The following AQR variants were observed in gnomAD, a reference collection of about 807,000 sequenced individuals.
AQR encodes RNA helicase aquarius.
A neutral mutation model predicts 180.5 loss-of-function variants in AQR; 61 were observed. The observed-to-expected ratio is 0.34, with a 90% CI of 0.28 to 0.42. AQR has a LOEUF of 0.42. AQR is among the 10% of genes least tolerant of loss of function. The pLI is 1.00. For missense variants in AQR, 1,281 were observed against 1,798.3 expected (o/e 0.71, Z 5.20); for synonymous variants, 551 against 588.8 (o/e 0.94, Z 0.93).
At chr15:34,945,264 T>C (rs1412189192) in intron 5 of AQR, among the ~76,000 whole-genome samples, 1 of 152,200 alleles carries the variant, frequency 6.6e-6, no homozygotes, top group Non-Finnish European at 1.5e-5. Context: ...AAACTGAATA[T>C]GTCCAAATTC....
intron 9 of AQR, among the ~76,000 whole-genome samples, chr15:34,936,016 A>G (rs1233706828): frequency 6.6e-6 from 1 of 152,172 alleles, no homozygotes; most frequent in African/African-American, 2.4e-5. Context: ...AAAACAATGC[A>G]TGGTGCTCTG....
intron 25 of AQR, 116 bp downstream of exon 25, chr15:34,886,410 C>T (rs981321897): frequency 5.0e-6 from 5 of 1,007,828 alleles, no homozygotes; most frequent in Non-Finnish European, 7.0e-6. Flanking sequence ...CAATACCATA[C>T]ATTCTAATCT....
intron 4 of AQR, among the ~76,000 whole-genome samples, chr15:34,952,395 TCAA>T (rs1894247820): frequency 6.6e-6 from 1 of 152,222 alleles, no homozygotes; most frequent in African/African-American, 2.4e-5. Context: ...GTAACTATCA[TCAA>T]CAACAATCCT....
At position 34,902,683 on chromosome 15, in the gene AQR, T is replaced by C. The variant is rs139366092; in HGVS notation, c.2001+1653A>G. On this transcript the variant is annotated intron_variant, in intron 19 of 34. Coordinates refer to ENST00000156471, the MANE Select transcript of AQR (RefSeq NM_014691.3). Reference sequence around the variant, plus strand: ...CACTAAATAGTCAAACAAATGAATATAAGAAAACAATGTTTTAGTTTTCAG... The same window carrying C: ...CACTAAATAGTCAAACAAATGAATACAAGAAAACAATGTTTTAGTTTTCAG... Among the ~76,000 whole-genome samples the C allele has an allele frequency of 5.9e-5, 9 of 152,242 alleles. No homozygotes were observed. In the East Asian group the frequency reaches 1.7e-3, roughly 29 times the overall value.
intron 31 of AQR, chr15:34,869,353 G>C (rs966907853): frequency 7.2e-5 from 11 of 152,024 alleles, no homozygotes; most frequent in African/African-American, 2.7e-4. Flanking sequence ...TTTTGTATTG[G>C]TCTGCCTTAT....
rs1323174767 is a variant in AQR, at chr15:34,856,248, T to A, written c.*544A>T. On this transcript the variant is annotated 3_prime_UTR_variant, in exon 35 of 35. Transcript: ENST00000156471. ...GACATCTTAGGTGATTCTAAGGCAT[T>A]CTAAGATTTGAGAGAAGGAAATGCA... 1.1e-5 allele frequency: 3 copies of A among 271,964 alleles called. No homozygotes were observed. Among genetic ancestry groups the A allele is most frequent in the Admixed American group, 5.3e-5 (1 of 18,992 alleles). 16.8% of individuals were successfully genotyped at this position (271,964 alleles called of 1,614,324 possible).
At chr15:34,965,650 G>A (rs950484737) in intron 1 of AQR, among the ~76,000 whole-genome samples, 6 of 152,088 alleles carry the variant, frequency 3.9e-5, no homozygotes, top group Non-Finnish European at 7.3e-5. Context: ...CAGCCTGGGC[G>A]ACAGAGCAAG....
rs972721196 is a variant in AQR, at chr15:34,852,558, CCTAT to C, written c.*4230_*4233del. 2 of 137,518 alleles carry C rather than the reference CCTAT, an allele frequency of 1.5e-5. No individual in the cohort carries two copies. The highest frequency in any genetic ancestry group is 4.9e-5 in the African/African-American group (2 of 40,676). The allele number at this position is 137,518 out of a possible 1,614,324, so 8.5% of individuals were successfully genotyped here. A position where few individuals can be genotyped will look rare whatever the true frequency, so the allele number is the denominator to read the frequency against. On this transcript the variant is annotated 3_prime_UTR_variant, in exon 35 of 35. Coordinates refer to ENST00000156471, the MANE Select transcript of AQR (RefSeq NM_014691.3). ...AAACTGTGTTCTAAGGAAATAGCTA[CCTAT>C]CTTATTAAAAAAAAACAAAAACAAA...
At chr15:34,896,585 C>T (rs769057330) in intron 22 of AQR, among the ~76,000 whole-genome samples, 50 of 151,120 alleles carry the variant, frequency 3.3e-4, no homozygotes, top group Non-Finnish European at 6.0e-4. Context: ...CGGTGGCTCA[C>T]GCCTGTAATC....
rs3062307 is a variant in AQR at position 34,943,444 on chromosome 15, AAAATAAAT to A, written c.471+836_471+843del. The A allele has an allele frequency of 9.4e-3, 4,814 of 511,206 alleles. 148 individuals are homozygous for A. Among genetic ancestry groups the A allele is most frequent in the African/African-American group, 0.071 (3,385 of 47,772 alleles). The allele number at this position is 511,206 out of a possible 1,614,324, so 31.7% of individuals were successfully genotyped here. On this transcript the variant is annotated intron_variant, in intron 6 of 34. Transcript: ENST00000156471. ...ACAATAAAATCTTGAGTTTATGTTC[AAAATAAAT>A]AAATAAATAAATAAATAAATAAATA...
intron 34 of AQR, among the ~76,000 whole-genome samples, chr15:34,858,852 G>A (rs921377096): frequency 6.6e-6 from 1 of 152,122 alleles, no homozygotes; most frequent in Non-Finnish European, 1.5e-5. Flanking sequence ...CGCCTATTAG[G>A]GAAGTGGTGC....
chr15:34,891,062 T>A (rs1225117513), intron 23 of AQR, among the ~76,000 whole-genome samples: 1 of 152,168 alleles, frequency 6.6e-6, no homozygotes, highest in Non-Finnish European at 1.5e-5. Context: ...CAACCCTGCC[T>A]GTGAAGTCAG....
At chr15:34,866,062 A>T (rs991224154) in intron 32 of AQR, among the ~76,000 whole-genome samples, 4 of 152,188 alleles carry the variant, frequency 2.6e-5, no homozygotes, top group African/African-American at 9.6e-5. Context: ...TTACAACTCA[A>T]TAATGTTATC....
rs556105374 is a variant in AQR at position 34,893,017 on chromosome 15, G to C, written c.2571+646C>G. ...TGGTATTTTGTGGTACCTATGATCA[G>C]ATTTTCATACAAGGATAAATCATCT... is the stretch of plus-strand genomic sequence containing the variant. On this transcript the variant is annotated intron_variant, in intron 23 of 34. Transcript: ENST00000156471. Among the ~76,000 whole-genome samples the C allele has an allele frequency of 5.3e-5, 8 of 152,296 alleles. No homozygotes were observed. The South Asian group carries it at 1.7e-3, about 32-fold the overall frequency.
At chr15:34,964,001 A>G (rs935043686) in intron 2 of AQR, among the ~76,000 whole-genome samples, 3 of 152,198 alleles carry the variant, frequency 2.0e-5, no homozygotes, top group African/African-American at 7.2e-5. Context: ...AAATACAACA[A>G]AATGGTAAGA....
chr15:34,923,427 A>G (rs1385844661), intron 13 of AQR, among the ~76,000 whole-genome samples: 2 of 152,110 alleles, frequency 1.3e-5, no homozygotes, highest in Admixed American at 6.6e-5. Context: ...TCTTTCAAAG[A>G]GCAGAAGTCT....
Position 34,884,819 on chromosome 15 carries a change from T to A in AQR, c.2818-85A>T, listed in dbSNP as rs1893033536. The A allele has an allele frequency of 1.2e-5, 12 of 1,036,892 alleles. No individual in the cohort carries two copies. In the South Asian group the frequency reaches 1.7e-4, roughly 15 times the overall value. The allele number at this position is 1,036,892 out of a possible 1,614,324, so 64.2% of individuals were successfully genotyped here. A position where few individuals can be genotyped will look rare whatever the true frequency, so the allele number is the denominator to read the frequency against. Reference sequence around the variant, plus strand: ...ATGAATAAATCTTATAAAAACAAGATCTGCTAGGTGAAAAAGAAAAAAAAA... The same window carrying A: ...ATGAATAAATCTTATAAAAACAAGAACTGCTAGGTGAAAAAGAAAAAAAAA... On this transcript the variant is annotated intron_variant, in intron 25 of 34. Transcript: ENST00000156471.
chr15:34,886,851 C>T (rs1394325735), intron 24 of AQR, among the ~76,000 whole-genome samples, 190 bp from the exon 25 acceptor site: 1 of 151,766 alleles, frequency 6.6e-6, no homozygotes, highest in Non-Finnish European at 1.5e-5. Flanking sequence ...AGGTGGGTCA[C>T]GGTGGTTCAC....
At position 34,906,908 on chromosome 15, in the gene AQR, T is replaced by C. The variant is rs191164201; in HGVS notation, c.1664-196A>G. ...AATACTCAATATTTCATAGCATTAA[T>C]TGAAATGAAAACTTCTTTATATTAA... On this transcript the variant is annotated intron_variant, in intron 17 of 34. Transcript: ENST00000156471. Among the ~76,000 whole-genome samples, 368 of 152,324 alleles carry C rather than the reference T, an allele frequency of 2.4e-3. No individual in the cohort carries two copies. The highest frequency in any genetic ancestry group is 4.1e-3 in the Non-Finnish European group (280 of 68,032).
Sources: allele counts gnomAD v4.1 joint callset (sites outside exome capture counted in the v4.1 genomes callset), GRCh38; gene constraint gnomAD v4.1.1; transcripts MANE v1.5; gene names NCBI Gene and HGNC (gene_info 2026-07-23, HGNC 2026-07-21).